PLXNB3: variants seen among roughly 807,000 people sequenced by gnomAD.
PLXNB3 encodes plexin-B3.
PLXNB3 carries 80 observed loss-of-function variants against 125.7 expected under a neutral mutation model. The observed-to-expected ratio is 0.64, with a 90% CI of 0.53 to 0.77. The LOEUF (loss-of-function observed/expected upper bound fraction) is 0.77. Ranked by LOEUF, PLXNB3 falls within the 30% of genes least tolerant of loss-of-function variation. The pLI is 0.00. For synonymous variants in PLXNB3, 954 were observed against 783.3 expected, an observed-to-expected ratio of 1.22 and a Z score of -3.64; for missense variants, 1,836 against 1,729.3, an observed-to-expected ratio of 1.06 and a Z score of -1.09.
In PLXNB3 at chrX:153,772,223, G is replaced by A; in HGVS notation, c.2711G>A (p.Gly904Glu). The part of the protein sequence containing the change: ...VTSPAPNGTT[G>E]PVRVAIKSQP... ...TCTCCTGCCCCCAATGGCACCACTG[G>A]GCCCGTCCGGGTGGCCATTAAGAGC... is the stretch of plus-strand genomic sequence containing the variant. Residue 904 changes from glycine (G) to glutamate (E), a missense_variant, in exon 16 of 36, where the codon GGG (glycine) becomes GAG (glutamate). Physicochemically the swap from Gly to Glu is moderately conservative, Grantham distance 98 (BLOSUM62 -2). Coordinates refer to ENST00000361971, the MANE Select transcript of PLXNB3 (RefSeq NM_005393.3). The A allele has an allele frequency of 8.3e-7, 1 of 1,205,277 alleles. No individual in the cohort carries two copies. The highest frequency in any genetic ancestry group is 1.1e-6 in the Non-Finnish European group (1 of 893,867).
Position 153,765,480 on chromosome X carries a change from C to A in PLXNB3, c.-56C>A. The A allele has an allele frequency of 8.7e-7, 1 of 1,154,441 alleles. No homozygotes were observed. The highest frequency in any genetic ancestry group is 1.2e-6 in the Non-Finnish European group (1 of 859,841). On this transcript the variant is annotated 5_prime_UTR_variant, in exon 2 of 36. Coordinates refer to ENST00000361971, the MANE Select transcript of PLXNB3 (RefSeq NM_005393.3). ...TCTCCCTCCCACTCAGGACAATGCC[C>A]CCCCGCAGCCATCTCATGCCCATCG...
In PLXNB3 at chrX:153,777,991, C is replaced by T. The variant is rs782563364; in HGVS notation, c.5305C>T (p.Leu1769Phe). Residue 1769 changes from leucine (L) to phenylalanine (F), a missense_variant, in exon 32 of 36, where the codon CTC (leucine) becomes TTC (phenylalanine). Leu to Phe is a conservative substitution (Grantham distance 22, BLOSUM62 0). Coordinates refer to ENST00000361971, the MANE Select transcript of PLXNB3 (RefSeq NM_005393.3). ...GGTGAATGCCTTGAAGAACCCACAG[C>T]TCATCTTTGATGTACGGGTGTCGGA... ...FWVNALKNPQLIFDVRVSDNV... is the reference protein window; with the variant it reads ...FWVNALKNPQFIFDVRVSDNV... 3 of 1,211,625 alleles carry T rather than the reference C, an allele frequency of 2.5e-6. No individual in the cohort carries two copies. The highest frequency in any genetic ancestry group is 3.4e-6 in the Non-Finnish European group (3 of 895,272).
At chrX:153,774,154 G>A (rs781942769) in intron 20 of PLXNB3, 32 bp from the exon 21 acceptor site, 7 of 1,202,052 alleles carry the variant, frequency 5.8e-6, no homozygotes, top group South Asian at 3.5e-5. Context: ...CTCTGTGGGG[G>A]CCAGCGGCTT....
intron 33 of PLXNB3, 24 bp downstream of exon 33, chrX:153,778,349 T>C: frequency 8.3e-7 from 1 of 1,207,618 alleles, no homozygotes; most frequent in Non-Finnish European, 1.1e-6. Flanking sequence ...GCATCGGGGC[T>C]GCGGGGAAGG....
chrX:153,767,487 C>A lies in PLXNB3; in HGVS notation c.660C>A (p.Gly220=). Reference sequence around the variant, plus strand: ...AGCCCTTCTCCAGCGAGGGCCTGGGCCGCCTGGTGGTGGGCGACTTCTCCG... The same window carrying A: ...AGCCCTTCTCCAGCGAGGGCCTGGGACGCCTGGTGGTGGGCGACTTCTCCG... ...GSQPFSSEGL[G]RLVVGDFSDY... Residue 220 remains glycine (G), a synonymous_variant, in exon 3 of 36, where the codon GGC becomes GGA. Coordinates refer to ENST00000361971, the MANE Select transcript of PLXNB3 (RefSeq NM_005393.3). The A allele has an allele frequency of 8.4e-7, 1 of 1,189,992 alleles. No individual in the cohort carries two copies. The highest frequency in any genetic ancestry group is 1.1e-6 in the Non-Finnish European group (1 of 883,965).
Position 153,775,590 on chromosome X carries a change from G to A in PLXNB3, c.4335-4G>A, listed in dbSNP as rs782622096. ...GGCCTGACCCTGTGGCCGGCTCCCC[G>A]CAGGACAGAGACCATGGTGGAGAAA... On this transcript the variant is annotated splice_polypyrimidine_tract_variant and splice_region_variant and intron_variant, in intron 25 of 35. Coordinates refer to ENST00000361971, the MANE Select transcript of PLXNB3 (RefSeq NM_005393.3). 7 of 1,208,421 alleles carry A rather than the reference G, an allele frequency of 5.8e-6. No homozygotes were observed. The highest frequency in any genetic ancestry group is 5.3e-5 in the South Asian group (3 of 56,867).
rs1257012772 is a variant in PLXNB3, at chrX:153,765,599, T to G, written c.45+19T>G. On this transcript the variant is annotated intron_variant, in intron 2 of 35. Coordinates refer to ENST00000361971, the MANE Select transcript of PLXNB3 (RefSeq NM_005393.3). ...CTTCATGGTAAGTGCCCAGGCCCGG[T>G]GTCCCCAGAAATGTTCCTGGGAGGG... 1 of 1,182,762 alleles carries G rather than the reference T, an allele frequency of 8.5e-7. No homozygotes were observed. Among genetic ancestry groups the G allele is most frequent in the African/African-American group, 1.8e-5 (1 of 56,819 alleles).
chrX:153,774,601 C>T (rs782126012), intron 22 of PLXNB3, 30 bp downstream of exon 22: 1 of 1,175,335 alleles, frequency 8.5e-7, no homozygotes, highest in African/African-American at 1.7e-5. Flanking sequence ...AGCACACTTC[C>T]CTCCTCGCCA....
chrX:153,768,875 G>C, intron 4 of PLXNB3, 73 bp from the exon 5 acceptor site: 2 of 1,122,673 alleles, frequency 1.8e-6, no homozygotes, highest in African/African-American at 3.6e-5. Context: ...GCCCCCACTA[G>C]GAGGAGGGCG....
At chrX:153,773,115 G>A in intron 17 of PLXNB3, 99 bp downstream of exon 17, 2 of 1,075,034 alleles carry the variant, frequency 1.9e-6, no homozygotes, top group East Asian at 3.2e-5. Context: ...CACCCCCAGT[G>A]GTCCCTGCCC....
In PLXNB3 at chrX:153,765,655, C is replaced by T. The variant is rs1302091168; in HGVS notation, c.45+75C>T. ...GTAGGGCAGGATGGCTGTGGCCAGG[C>T]CCAGGACATACAGGCTGCAGCCTCC... On this transcript the variant is annotated intron_variant, in intron 2 of 35. Transcript: ENST00000361971. 37 of 1,164,321 alleles carry T rather than the reference C, an allele frequency of 3.2e-5. No homozygotes were observed. The South Asian group carries it at 6.7e-4, about 21-fold the overall frequency.
At position 153,771,853 on chromosome X, in the gene PLXNB3, G is replaced by A; in HGVS notation, c.2518-11G>A. Reference sequence around the variant, plus strand: ...CGGGGGACCCCATCTGCCATCATTTGCCTGCTGCAGGTCGAGCCCCTGACC... The same window carrying A: ...CGGGGGACCCCATCTGCCATCATTTACCTGCTGCAGGTCGAGCCCCTGACC... On this transcript the variant is annotated splice_polypyrimidine_tract_variant and intron_variant, in intron 14 of 35. Coordinates refer to ENST00000361971, the MANE Select transcript of PLXNB3 (RefSeq NM_005393.3). 8.3e-7 allele frequency: 1 copy of A among 1,204,761 alleles called. No homozygotes were observed. The highest frequency in any genetic ancestry group is 3.0e-5 in the East Asian group (1 of 33,595).
chrX:153,776,308 G>T (rs1557064180), intron 27 of PLXNB3, 48 bp from the exon 28 acceptor site: 6 of 1,084,341 alleles, frequency 5.5e-6, no homozygotes, highest in Non-Finnish European at 7.6e-6. Flanking sequence ...ATGAGTGTGG[G>T]GCGTGGAGAG....
At chrX:153,773,185 G>C (rs891513334) in intron 17 of PLXNB3, 45 bp from the exon 18 acceptor site, 1 of 1,152,344 alleles carries the variant, frequency 8.7e-7, no homozygotes, top group Non-Finnish European at 1.2e-6. Context: ...CTGGGGTAGA[G>C]GGGTGGTAGA....
chrX:153,770,942 C>G (rs1569541889), intron 11 of PLXNB3, 23 bp from the exon 12 acceptor site: 2 of 1,208,068 alleles, frequency 1.7e-6, no homozygotes, highest in Middle Eastern at 2.3e-4. Flanking sequence ...CGTGTCCACA[C>G]TCCTGACAGC....
chrX:153,766,234 G>A (rs370938992), intron 2 of PLXNB3: 35 of 1,163,107 alleles, frequency 3.0e-5, no homozygotes, highest in Non-Finnish European at 3.9e-5. Context: ...CTGCCTCTTC[G>A]CTGACTTGCT....
chrX:153,773,446 G>T, intron 18 of PLXNB3, 40 bp downstream of exon 18: 2 of 1,186,990 alleles, frequency 1.7e-6, no homozygotes, highest in Non-Finnish European at 2.3e-6. Context: ...CACCACGCAG[G>T]AGGGAAGGTG....
chrX:153,777,525 C>A lies in PLXNB3; in HGVS notation c.5101-3C>A. 1 of 1,211,131 alleles carries A rather than the reference C, an allele frequency of 8.3e-7. No individual in the cohort carries two copies. The highest frequency in any genetic ancestry group is 1.1e-6 in the Non-Finnish European group (1 of 895,143). On this transcript the variant is annotated splice_region_variant and splice_polypyrimidine_tract_variant and intron_variant, in intron 30 of 35. Coordinates refer to ENST00000361971, the MANE Select transcript of PLXNB3 (RefSeq NM_005393.3). ...CACACAGCCCTTATCCCCTGCCTCG[C>A]AGGGCACGCTGCAGAAGTTTGTGGA...
intron 4 of PLXNB3, 141 bp from the exon 5 acceptor site, chrX:153,768,807 G>A: frequency 1.5e-6 from 1 of 675,839 alleles, no homozygotes; most frequent in East Asian, 3.2e-5. Context: ...CTGAGTGGGG[G>A]AAGTGATGTG....
Sources: gnomAD v4.1 joint callset for allele counts on GRCh38, gnomAD v4.1.1 for gene constraint, MANE v1.5 for transcripts, NCBI Gene and HGNC (gene_info 2026-07-23, HGNC 2026-07-21) for gene names.